ANKRD44: variants seen among roughly 807,000 people sequenced by gnomAD.
The protein encoded by ANKRD44 is ankyrin repeat domain 44, also known as serine/threonine-protein phosphatase 6 regulatory ankyrin repeat subunit B.
Under a neutral mutation model 116.0 loss-of-function variants are expected in ANKRD44, and 35 were observed. The ratio of observed to expected loss-of-function variants is 0.30; its 90% confidence interval spans 0.23 to 0.40. ANKRD44 has a LOEUF of 0.40. ANKRD44 is among the 10% of genes least tolerant of loss of function. ANKRD44 has a pLI of 1.00. For missense variants in ANKRD44, 1,014 were observed against 1,242.6 expected (o/e 0.82, Z 2.77); for synonymous variants, 435 against 461.8 (o/e 0.94, Z 0.74).
rs757549809 is a variant in ANKRD44, at chr2:197,026,047, C to CAAACAAAA, written c.1651-781_1651-780insTTTTGTTT. On this transcript the variant is annotated intron_variant, in intron 16 of 27. Transcript: ENST00000282272. ...CAGAGAAGGGGGAGATAAAAAGAAACAAAAAAAAAAAAAACACCTTTCTGG... is the reference window on the plus strand; with the variant it reads ...CAGAGAAGGGGGAGATAAAAAGAAACAAACAAAAAAAAAAAAAAAAAACACCTTTCTGG... Among the ~76,000 whole-genome samples the CAAACAAAA allele has an allele frequency of 1.5e-4, 20 of 130,370 alleles. 1 individual carries two copies. In the South Asian group the frequency reaches 5.1e-3, roughly 33 times the overall value. The allele number at this position is 130,370 out of a possible 152,430, so 85.5% of individuals were successfully genotyped here.
In ANKRD44 at chr2:197,083,350, T is replaced by C. The variant is rs1444593278; in HGVS notation, c.1457+19A>G. 1.0e-5 allele frequency: 16 copies of C among 1,606,272 alleles called. No individual in the cohort carries two copies. Among genetic ancestry groups the C allele is most frequent in the Non-Finnish European group, 1.1e-5 (13 of 1,176,384 alleles). Reference sequence around the variant, plus strand: ...CCCAACCCTGTTCCCAGAGGAAGCATGAGCAAGGCTGTTTTTACTTTCTAT... The same window carrying C: ...CCCAACCCTGTTCCCAGAGGAAGCACGAGCAAGGCTGTTTTTACTTTCTAT... On this transcript the variant is annotated intron_variant, in intron 14 of 27. Coordinates refer to ENST00000282272, the MANE Select transcript of ANKRD44 (RefSeq NM_001195144.2).
intron 27 of ANKRD44, chr2:196,990,855 A>T (rs2075901965): frequency 8.1e-7 from 1 of 1,232,402 alleles, no homozygotes; most frequent in South Asian, 4.1e-5. Context: ...AAAAGGCATC[A>T]TGGTAGCCAA....
At chr2:197,025,640 T>C (rs2376212) in intron 16 of ANKRD44, among the ~76,000 whole-genome samples, 126,346 of 152,250 alleles carry the variant, frequency 0.83, 53,646 homozygotes, top group East Asian at 0.97. Flanking sequence ...GAAGCATAGA[T>C]AAATAAATAT....
chr2:197,199,180 TAAG>T (rs1176787571), intron 1 of ANKRD44: 1 of 151,988 alleles, frequency 6.6e-6, no homozygotes, highest in African/African-American at 2.4e-5. Flanking sequence ...TAGGTTTTGG[TAAG>T]AAGAAAGCTT....
chr2:197,090,025 T>C lies in ANKRD44; in HGVS notation c.1108A>G (p.Ile370Val). 6.2e-7 allele frequency: 1 copy of C among 1,613,790 alleles called. No individual in the cohort carries two copies. The highest frequency in any genetic ancestry group is 8.5e-7 in the Non-Finnish European group (1 of 1,179,732). The change falls in exon 11 of 28, where the codon ATC becomes GTC. Residue 370 changes from isoleucine (I) to valine (V), a missense_variant. Transcript: ENST00000282272. ...AAATGTAAAGGGAACATGCTATGGA[T>C]TCCACACCTGAGGAGTAAGAAAACA... is the stretch of plus-strand genomic sequence containing the variant. The part of the protein sequence containing the change: ...TSGADTAKCG[I>V]HSMFPLHLAA...
Position 197,215,735 on chromosome 2 carries a change from G to A in ANKRD44, c.28-28629C>T, listed in dbSNP as rs188681825. On this transcript the variant is annotated intron_variant, in intron 1 of 27. Transcript: ENST00000282272. ...GTCACTAAGTAGCCATTTAATTAAA[G>A]TAAATGTCTCAGCATAAATCCTGCT... Among the ~76,000 whole-genome samples the A allele has an allele frequency of 2.5e-3, 375 of 152,270 alleles. 1 individual carries two copies. The highest frequency in any genetic ancestry group is 6.8e-3 in the Middle Eastern group (2 of 294).
intron 16 of ANKRD44, 45 bp downstream of exon 16, chr2:197,078,658 A>ATGTG (rs139294990): frequency 5.8e-5 from 90 of 1,542,348 alleles, no homozygotes; most frequent in Non-Finnish European, 7.6e-5. Flanking sequence ...GATTTGGGGT[A>ATGTG]TGTGTGTGTG....
intron 1 of ANKRD44, among the ~76,000 whole-genome samples, chr2:197,209,850 A>G (rs2125691819): frequency 6.6e-6 from 1 of 152,312 alleles, no homozygotes; most frequent in Non-Finnish European, 1.5e-5. Context: ...GAGTCAGGGG[A>G]GCAAAGAATC....
At chr2:197,199,671 T>C (rs2712898) in intron 1 of ANKRD44, among the ~76,000 whole-genome samples, 145,931 of 152,174 alleles carry the variant, frequency 0.96, 69,991 homozygotes, top group East Asian at 1. Context: ...AATTCTTGGG[T>C]TCAAGCGATC....
intron 16 of ANKRD44, among the ~76,000 whole-genome samples, chr2:197,026,061 A>AAAAC (rs374008825): frequency 2.0e-5 from 3 of 150,118 alleles, no homozygotes; most frequent in Admixed American, 2.0e-4. Flanking sequence ...AAAAAAAAAA[A>AAAAC]CACCTTTCTG....
intron 25 of ANKRD44, among the ~76,000 whole-genome samples, 175 bp from the exon 26 acceptor site, chr2:196,995,636 C>CT (rs2075999208): frequency 6.6e-6 from 1 of 152,050 alleles, no homozygotes. Flanking sequence ...TCCAGACACT[C>CT]TAAGAGTCCT....
intron 6 of ANKRD44, among the ~76,000 whole-genome samples, chr2:197,123,683 C>T (rs568041639): frequency 5.9e-5 from 9 of 152,146 alleles, no homozygotes; most frequent in Admixed American, 3.9e-4. Flanking sequence ...ACCTTTATTT[C>T]GGGACTGAAG....
At chr2:197,086,522 T>C (rs1218846397) in intron 13 of ANKRD44, among the ~76,000 whole-genome samples, 158 bp downstream of exon 13, 1 of 152,232 alleles carries the variant, frequency 6.6e-6, no homozygotes. Context: ...TTATTTGCTT[T>C]GTTGGCAACC....
rs540279879 is a variant in ANKRD44 at position 197,005,970 on chromosome 2, T to C, written c.2131-60A>G. ...TCAGAAGACTAAGGAAGCAAAGCAG[T>C]TGGCTAAGTGAGGCTGGGCTTAGAG... On this transcript the variant is annotated intron_variant, in intron 20 of 27. Coordinates refer to ENST00000282272, the MANE Select transcript of ANKRD44 (RefSeq NM_001195144.2). 11 of 1,541,882 alleles carry C rather than the reference T, an allele frequency of 7.1e-6. No homozygotes were observed. The East Asian group carries it at 2.5e-4, about 35-fold the overall frequency.
At chr2:197,287,206 G>A (rs1482780987) in intron 1 of ANKRD44, among the ~76,000 whole-genome samples, 1 of 152,062 alleles carries the variant, frequency 6.6e-6, no homozygotes, top group Non-Finnish European at 1.5e-5. Context: ...GGAACTCTCT[G>A]TACTTTCTGC....
intron 1 of ANKRD44, among the ~76,000 whole-genome samples, chr2:197,241,985 A>G (rs2082100046): frequency 6.6e-6 from 1 of 152,150 alleles, no homozygotes; most frequent in Non-Finnish European, 1.5e-5. Context: ...TTTAGGTTTA[A>G]TGTCTTGATT....
At chr2:197,065,561 A>T (rs1185823803) in intron 16 of ANKRD44, among the ~76,000 whole-genome samples, 1 of 152,198 alleles carries the variant, frequency 6.6e-6, no homozygotes, top group African/African-American at 2.4e-5. Flanking sequence ...AGCAAGACTA[A>T]TAAAGAAGAA....
At chr2:197,119,459 G>A (rs188828941) in intron 8 of ANKRD44, among the ~76,000 whole-genome samples, 82 of 152,220 alleles carry the variant, frequency 5.4e-4, no homozygotes, top group Middle Eastern at 3.4e-3. Flanking sequence ...AGGTTGCTCA[G>A]GCTGATCTTA....
At chr2:197,162,462 C>T (rs1194411709) in intron 2 of ANKRD44, among the ~76,000 whole-genome samples, 1 of 152,232 alleles carries the variant, frequency 6.6e-6, no homozygotes, top group Admixed American at 6.5e-5. Context: ...TGGTGCATTC[C>T]TGTCCAAAAG....
Sources: allele counts gnomAD v4.1 joint callset (sites outside exome capture counted in the v4.1 genomes callset), GRCh38; gene constraint gnomAD v4.1.1; transcripts MANE v1.5; gene names NCBI Gene and HGNC (gene_info 2026-07-23, HGNC 2026-07-21).